The following CDH10 variants were observed in gnomAD, a reference collection of about 807,000 sequenced individuals.
CDH10 encodes cadherin-10.
Under a neutral mutation model 73.1 loss-of-function variants are expected in CDH10, and 30 were observed. That is an observed-to-expected ratio of 0.41 (90% CI 0.31 to 0.56). CDH10 has a LOEUF of 0.56. CDH10 is among the 20% of genes least tolerant of loss of function. CDH10 has a pLI of 0.27. For synonymous variants in CDH10, 345 were observed against 348.2 expected, an observed-to-expected ratio of 0.99 and a Z score of 0.10; for missense variants, 815 against 973.7, an observed-to-expected ratio of 0.84 and a Z score of 2.17.
intron 2 of CDH10, among the ~76,000 whole-genome samples, chr5:24,559,807 C>T (rs1009805568): frequency 2.0e-5 from 3 of 152,074 alleles, no homozygotes; most frequent in Non-Finnish European, 2.9e-5. Flanking sequence ...GCGAAGTGAA[C>T]ATTTTCATTT....
rs532787958 is a variant in CDH10, at chr5:24,584,715, C to T, written c.231+8545G>A. Among the ~76,000 whole-genome samples, 3 of 151,908 alleles carry T rather than the reference C, an allele frequency of 2.0e-5. No individual in the cohort carries two copies. The South Asian group carries it at 6.2e-4, about 32-fold the overall frequency. ...CGATCTCCTGACCTAGTGATCCACCCGCCTTGGCCTCCCGAAGTGCTGGGA... is the reference window on the plus strand; with the variant it reads ...CGATCTCCTGACCTAGTGATCCACCTGCCTTGGCCTCCCGAAGTGCTGGGA... On this transcript the variant is annotated intron_variant, in intron 2 of 11. Transcript: ENST00000264463.
chr5:24,505,819 T>C (rs1431762196), intron 7 of CDH10, among the ~76,000 whole-genome samples: 1 of 152,160 alleles, frequency 6.6e-6, no homozygotes, highest in Non-Finnish European at 1.5e-5. Flanking sequence ...ATTTTAAAAA[T>C]AGAAAAGTCT....
chr5:24,552,165 A>C (rs184745776), intron 2 of CDH10, among the ~76,000 whole-genome samples: 1 of 152,158 alleles, frequency 6.6e-6, no homozygotes, highest in African/African-American at 2.4e-5. Context: ...AATGTCTTTC[A>C]CTACAATTTT....
rs549253650 is a variant in CDH10, at chr5:24,572,481, A to G, written c.231+20779T>C. Among the ~76,000 whole-genome samples the G allele has an allele frequency of 5.9e-5, 9 of 152,184 alleles. No individual in the cohort carries two copies. The South Asian group carries it at 1.9e-3, about 32-fold the overall frequency. On this transcript the variant is annotated intron_variant, in intron 2 of 11. Coordinates refer to ENST00000264463, the MANE Select transcript of CDH10 (RefSeq NM_006727.5). ...GGATTTCTGGACCTGAGGATCTTAA[A>G]AAAGGAAAAGCTGACAGAATTCAGT...
chr5:24,614,039 T>C (rs184636897), intron 1 of CDH10, among the ~76,000 whole-genome samples: 1 of 152,278 alleles, frequency 6.6e-6, no homozygotes, highest in Non-Finnish European at 1.5e-5. Context: ...CGGAACAGTA[T>C]AACTAAGTCA....
At chr5:24,521,319 C>A (rs188810008) in intron 5 of CDH10, among the ~76,000 whole-genome samples, 5 of 152,036 alleles carry the variant, frequency 3.3e-5, no homozygotes. Flanking sequence ...CCGAGGTGGG[C>A]GGATCACCTG....
chr5:24,498,354 T>C (rs1219366781), intron 9 of CDH10, 44 bp downstream of exon 9: 3 of 1,380,316 alleles, frequency 2.2e-6, no homozygotes, highest in Non-Finnish European at 3.0e-6. Context: ...ATATTTTGCA[T>C]ACAGTTAAAA....
At chr5:24,500,065 TGGG>T (rs774813397) in intron 8 of CDH10, among the ~76,000 whole-genome samples, 68 of 152,320 alleles carry the variant, frequency 4.5e-4, no homozygotes, top group Admixed American at 9.8e-4. Flanking sequence ...TCAACCAACA[TGGG>T]CTGTGGATAT....
intron 1 of CDH10, among the ~76,000 whole-genome samples, chr5:24,615,879 A>G (rs1747109326): frequency 6.6e-6 from 1 of 152,178 alleles, no homozygotes; most frequent in Admixed American, 6.5e-5. Context: ...CAACCTTAGT[A>G]GGTGTTCATT....
intron 5 of CDH10, among the ~76,000 whole-genome samples, chr5:24,525,553 A>G (rs1182500682): frequency 6.6e-6 from 1 of 152,076 alleles, no homozygotes; most frequent in East Asian, 1.9e-4. Context: ...TAAAAACAAG[A>G]TAAAGCTCCT....
intron 1 of CDH10, among the ~76,000 whole-genome samples, chr5:24,602,529 G>A (rs951216340): frequency 3.9e-5 from 6 of 152,132 alleles, no homozygotes; most frequent in East Asian, 3.9e-4. Flanking sequence ...TGTGCATGGT[G>A]ATACTTACTA....
rs757720655 is a variant in CDH10, at chr5:24,537,567, G to A, written c.339C>T (p.Ala113=). ...TTTCCTCCCTATCAATTCGCCTTGTGGCATGAATATCACCTGTTTTTTCAT... is the reference window on the plus strand; with the variant it reads ...TTTCCTCCCTATCAATTCGCCTTGTAGCATGAATATCACCTGTTTTTTCAT... The part of the protein sequence containing the change: ...IIDEKTGDIH[A]TRRIDREEKA... The change falls in exon 3 of 12, where the codon GCC becomes GCT. Residue 113 remains alanine (A), a synonymous_variant. Coordinates refer to ENST00000264463, the MANE Select transcript of CDH10 (RefSeq NM_006727.5). 4 of 1,612,368 alleles carry A rather than the reference G, an allele frequency of 2.5e-6. No homozygotes were observed. The highest frequency in any genetic ancestry group is 3.4e-6 in the Non-Finnish European group (4 of 1,178,728).
chr5:24,523,315 G>A (rs957341641), intron 5 of CDH10, among the ~76,000 whole-genome samples: 1 of 152,044 alleles, frequency 6.6e-6, no homozygotes, highest in South Asian at 2.1e-4. Context: ...CTATAGATGA[G>A]AATGGAATGG....
chr5:24,561,310 T>C (rs1744953638), intron 2 of CDH10, among the ~76,000 whole-genome samples: 1 of 152,144 alleles, frequency 6.6e-6, no homozygotes, highest in African/African-American at 2.4e-5. Context: ...TGCAAATATA[T>C]GTATTTGGTA....
intron 1 of CDH10, among the ~76,000 whole-genome samples, chr5:24,633,442 T>C (rs917600424): frequency 2.0e-5 from 3 of 151,862 alleles, no homozygotes; most frequent in Admixed American, 6.6e-5. Flanking sequence ...CACTGAAAAA[T>C]GCATTCAATG....
At position 24,487,452 on chromosome 5, in the gene CDH10, C is replaced by A. The variant is rs1741880854; in HGVS notation, c.*211G>T. 6 of 503,406 alleles carry A rather than the reference C, an allele frequency of 1.2e-5. No homozygotes were observed. Among genetic ancestry groups the A allele is most frequent in the Non-Finnish European group, 2.1e-5 (6 of 282,294 alleles). 31.2% of individuals were successfully genotyped at this position (503,406 alleles called of 1,614,324 possible). A position where few individuals can be genotyped will look rare whatever the true frequency, so the allele number is the denominator to read the frequency against. Reference sequence around the variant, plus strand: ...CAACACTGTATTTCCATAGCTTTGGCTCTTGGAAGTGATTAAATAAAATGT... The same window carrying A: ...CAACACTGTATTTCCATAGCTTTGGATCTTGGAAGTGATTAAATAAAATGT... On this transcript the variant is annotated 3_prime_UTR_variant, in exon 12 of 12. Coordinates refer to ENST00000264463, the MANE Select transcript of CDH10 (RefSeq NM_006727.5).
At position 24,577,516 on chromosome 5, in the gene CDH10, C is replaced by A. The variant is rs914484165; in HGVS notation, c.231+15744G>T. On this transcript the variant is annotated intron_variant, in intron 2 of 11. Coordinates refer to ENST00000264463, the MANE Select transcript of CDH10 (RefSeq NM_006727.5). Reference sequence around the variant, plus strand: ...GATATGACAATAAAATAAACTCTGGCAGGAAATATTAGATAAACCAACTGA... The same window carrying A: ...GATATGACAATAAAATAAACTCTGGAAGGAAATATTAGATAAACCAACTGA... Among the ~76,000 whole-genome samples the A allele has an allele frequency of 2.0e-5, 3 of 152,100 alleles. No individual in the cohort carries two copies. The South Asian group carries it at 6.2e-4, about 31-fold the overall frequency.
At chr5:24,562,968 A>C (rs1315619947) in intron 2 of CDH10, among the ~76,000 whole-genome samples, 2 of 152,232 alleles carry the variant, frequency 1.3e-5, no homozygotes, top group Non-Finnish European at 2.9e-5. Context: ...TTACAAAAGG[A>C]CATTCTTACC....
chr5:24,626,838 G>GTA (rs758604438), intron 1 of CDH10, among the ~76,000 whole-genome samples: 62 of 145,578 alleles, frequency 4.3e-4, no homozygotes, highest in Non-Finnish European at 6.2e-4. Context: ...ATATATAAGT[G>GTA]TATATATATA....
Sources: allele counts gnomAD v4.1 joint callset (sites outside exome capture counted in the v4.1 genomes callset), GRCh38; gene constraint gnomAD v4.1.1; transcripts MANE v1.5; gene names NCBI Gene and HGNC (gene_info 2026-07-23, HGNC 2026-07-21).